The following SZT2 variants were observed in gnomAD, a reference collection of about 807,000 sequenced individuals.
The protein encoded by SZT2 is KICSTOR complex protein SZT2.
In SZT2, 216 loss-of-function variants were observed where a neutral mutation model predicts 404.2. The observed-to-expected ratio is 0.53, with a 90% confidence interval of 0.48 to 0.60. The LOEUF is 0.60. Among genes scored for constraint, SZT2 ranks in the 20% least tolerant of loss-of-function variants. The pLI, the probability that SZT2 is intolerant of heterozygous loss-of-function variation, is 0.00. For synonymous variants in SZT2, 1,693 were observed against 1,749.9 expected (o/e 0.97, Z 0.81); for missense variants, 3,857 against 4,459.2 (o/e 0.86, Z 3.85).
Position 43,426,301 on chromosome 1 carries a change from C to A in SZT2, c.3044-67C>A. The A allele has an allele frequency of 6.7e-7, 1 of 1,501,474 alleles. No homozygotes were observed. Among genetic ancestry groups the A allele is most frequent in the South Asian group, 1.3e-5 (1 of 78,718 alleles). 93.0% of individuals were successfully genotyped at this position (1,501,474 alleles called of 1,614,324 possible). On this transcript the variant is annotated intron_variant, in intron 21 of 71. Coordinates refer to ENST00000634258, the MANE Select transcript of SZT2 (RefSeq NM_001365999.1). The surrounding 1 kb of genome is among the most constrained non-coding windows in gnomAD (Gnocchi z 4.9). Reference sequence around the variant, plus strand: ...GAGGCTGAAGGAGGGGCCAGCTGGTCAGGGCTGAGCCGGGGGCACCGGGCA... The same window carrying A: ...GAGGCTGAAGGAGGGGCCAGCTGGTAAGGGCTGAGCCGGGGGCACCGGGCA...
chr1:43,440,611 G>T, intron 52 of SZT2, 25 bp downstream of exon 52: 1 of 1,545,362 alleles, frequency 6.5e-7, no homozygotes, highest in Non-Finnish European at 8.7e-7. Context: ...GGTGAAGTGG[G>T]CATCTACCTT....
intron 4 of SZT2, among the ~76,000 whole-genome samples, chr1:43,410,910 G>A (rs867804932): frequency 3.1e-4 from 47 of 152,224 alleles, no homozygotes; most frequent in African/African-American, 1.1e-3. Context: ...TGGGGGTTGG[G>A]GGGGGATCTT....
rs1290546995 is a variant in SZT2, at chr1:43,448,788, A to G, written c.10086+60A>G. 4 of 1,503,790 alleles carry G rather than the reference A, an allele frequency of 2.7e-6. No homozygotes were observed. The highest frequency in any genetic ancestry group is 3.7e-6 in the Non-Finnish European group (4 of 1,080,732). 93.2% of individuals were successfully genotyped at this position (1,503,790 alleles called of 1,614,324 possible). On this transcript the variant is annotated intron_variant, in intron 70 of 71. Transcript: ENST00000634258. The surrounding 1 kb of genome is among the most constrained non-coding windows in gnomAD (Gnocchi z 4.2). The stretch of plus-strand genomic sequence containing the variant: ...CACAGCAGAAATCCTCACCAAACAG[A>G]TGTGCCCCTCAGCCTGACCAAACAA...
intron 2 of SZT2, 75 bp downstream of exon 2, chr1:43,403,377 G>C: frequency 6.4e-7 from 1 of 1,552,150 alleles, no homozygotes. Context: ...GCTAGAAACA[G>C]ACAGGGTGGG....
At chr1:43,435,564 GATGAA>G (rs1263688025) in intron 42 of SZT2, 1 of 425,454 alleles carries the variant, frequency 2.4e-6, no homozygotes, top group African/African-American at 2.0e-5. Context: ...ATAGAAAGCA[GATGAA>G]ATGAAAAGTG....
intron 41 of SZT2, 73 bp from the exon 42 acceptor site, chr1:43,435,127 G>T: frequency 6.5e-7 from 1 of 1,544,170 alleles, no homozygotes; most frequent in South Asian, 1.2e-5. Context: ...TCTGGCATTT[G>T]ATCACCCCTG....
Position 43,451,970 on chromosome 1 carries a change from G to C in SZT2, c.*1490G>C. On this transcript the variant is annotated 3_prime_UTR_variant, in exon 72 of 72. Coordinates refer to ENST00000634258, the MANE Select transcript of SZT2 (RefSeq NM_001365999.1). The stretch of plus-strand genomic sequence containing the variant: ...CGTGTCCAGGAAGTACTGGGGGTCA[G>C]TGATGCGGGTGTTGATGGGCTCCAG... 1 of 1,611,642 alleles carries C rather than the reference G, an allele frequency of 6.2e-7. No homozygotes were observed. Among genetic ancestry groups the C allele is most frequent in the Non-Finnish European group, 8.5e-7 (1 of 1,178,326 alleles).
intron 42 of SZT2, chr1:43,436,164 T>G (rs1236876693): frequency 2.0e-5 from 3 of 152,182 alleles, no homozygotes; most frequent in African/African-American, 7.2e-5. Flanking sequence ...ACCATAACAT[T>G]CCTTTGCAGT....
intron 1 of SZT2, among the ~76,000 whole-genome samples, chr1:43,393,546 A>G (rs1648653472): frequency 1.3e-5 from 2 of 152,228 alleles, no homozygotes; most frequent in South Asian, 4.1e-4. Flanking sequence ...GCTTGAGGCC[A>G]TGCTAGAGGC....
chr1:43,424,992 T>C lies in SZT2; in HGVS notation c.2551-121T>C. On this transcript the variant is annotated intron_variant, in intron 17 of 71. Transcript: ENST00000634258. The surrounding 1 kb of genome is among the most constrained non-coding windows in gnomAD (Gnocchi z 4.1). ...CCCTGTGGCCAGAGGATGCTCAAGG[T>C]CTGAGGCTGCAGTCATAGGACAATT... 2.0e-6 allele frequency: 3 copies of C among 1,506,004 alleles called. No homozygotes were observed. The highest frequency in any genetic ancestry group is 2.3e-5 in the South Asian group (2 of 86,176). The allele number at this position is 1,506,004 out of a possible 1,614,324, so 93.3% of individuals were successfully genotyped here. A position where few individuals can be genotyped will look rare whatever the true frequency, so the allele number is the denominator to read the frequency against.
chr1:43,398,341 A>G (rs371644126), intron 1 of SZT2, among the ~76,000 whole-genome samples: 3 of 152,364 alleles, frequency 2.0e-5, no homozygotes, highest in East Asian at 3.9e-4. Context: ...TGAACATCCT[A>G]TGTGCCAGGC....
Position 43,453,926 on chromosome 1 carries a change from G to A in SZT2, c.*3446G>A, listed in dbSNP as rs928593677. 8.3e-7 allele frequency: 1 copy of A among 1,206,208 alleles called. No individual in the cohort carries two copies. The highest frequency in any genetic ancestry group is 1.0e-6 in the Non-Finnish European group (1 of 971,772). 74.7% of individuals were successfully genotyped at this position (1,206,208 alleles called of 1,614,324 possible). ...ACGAGCACTGTTCGTGGTTAGAAAAGCGAAGTGCTGTAAAAACCCGGGCCT... is the reference window on the plus strand; with the variant it reads ...ACGAGCACTGTTCGTGGTTAGAAAAACGAAGTGCTGTAAAAACCCGGGCCT... On this transcript the variant is annotated 3_prime_UTR_variant, in exon 72 of 72. Transcript: ENST00000634258.
At position 43,447,830 on chromosome 1, in the gene SZT2, C is replaced by A; in HGVS notation, c.9441-19C>A. ...ATTAGAACCCCAGAGTTGACATCTCCCCAACCCGTCCTGCACAGTTCTGGC... is the reference window on the plus strand; with the variant it reads ...ATTAGAACCCCAGAGTTGACATCTCACCAACCCGTCCTGCACAGTTCTGGC... On this transcript the variant is annotated intron_variant, in intron 67 of 71. Coordinates refer to ENST00000634258, the MANE Select transcript of SZT2 (RefSeq NM_001365999.1). The A allele has an allele frequency of 1.2e-6, 2 of 1,613,848 alleles. No homozygotes were observed. Among genetic ancestry groups the A allele is most frequent in the Non-Finnish European group, 1.7e-6 (2 of 1,179,902 alleles).
Position 43,434,470 on chromosome 1 carries a change from C to T in SZT2, c.5889C>T (p.Cys1963=). 1.9e-6 allele frequency: 3 copies of T among 1,594,736 alleles called. No homozygotes were observed. The highest frequency in any genetic ancestry group is 2.6e-6 in the Non-Finnish European group (3 of 1,172,100). Residue 1963 remains cysteine, a synonymous_variant, in exon 41 of 72, where the codon TGC becomes TGT. Transcript: ENST00000634258. ...TGGTGAGGCGAGTTGGGGAGATCTGCAGGGAGGTCAACCAGGTAAGGGGCA... is the reference window on the plus strand; with the variant it reads ...TGGTGAGGCGAGTTGGGGAGATCTGTAGGGAGGTCAACCAGGTAAGGGGCA... ...QLLVRRVGEI[C]REVNQRLLLQ...
rs576781555 is a variant in SZT2 at position 43,403,109 on chromosome 1, A to G, written c.28-68A>G. ...AGTTCCTTGGGCAAATTATTTGGAC[A>G]GTGATCTGTGTGTTCCAGGTACTCG... On this transcript the variant is annotated intron_variant, in intron 1 of 71. Transcript: ENST00000634258. The G allele has an allele frequency of 1.0e-5, 16 of 1,552,388 alleles. No individual in the cohort carries two copies. The East Asian group carries it at 3.4e-4, about 33-fold the overall frequency.
rs373037090 is a variant in SZT2 at position 43,441,562 on chromosome 1, C to G, written c.7570C>G (p.Arg2524Gly). The G allele has an allele frequency of 6.2e-7, 1 of 1,614,108 alleles. No individual in the cohort carries two copies. The highest frequency in any genetic ancestry group is 1.3e-5 in the African/African-American group (1 of 75,004). Residue 2524 changes from arginine to glycine, a missense_variant, in exon 54 of 72, where the codon CGT (arginine) becomes GGT (glycine). Arg to Gly is a moderately radical substitution (Grantham distance 125). Transcript: ENST00000634258. This position sits in a 1 kb window ranked among gnomAD's most constrained non-coding sequence, Gnocchi z 4.8. ...GGGGACCCTTCATCCTGTGTTTGCCCGTGTTGCTCAGCGCTGGATGGAGTT... is the reference window on the plus strand; with the variant it reads ...GGGGACCCTTCATCCTGTGTTTGCCGGTGTTGCTCAGCGCTGGATGGAGTT... ...EVGTLHPVFARVAQRWMEFMV... is the reference protein window; with the variant it reads ...EVGTLHPVFAGVAQRWMEFMV...
chr1:43,443,855 A>G lies in SZT2; in HGVS notation c.8825+59A>G. 3.1e-6 allele frequency: 5 copies of G among 1,598,992 alleles called. No homozygotes were observed. The South Asian group carries it at 5.5e-5, about 18-fold the overall frequency. ...CCTCCTGCACTGCAAGTGAGGCCCC[A>G]CAGGCCCTTCCTCTCTTTACAAGGT... On this transcript the variant is annotated intron_variant, in intron 62 of 71. Coordinates refer to ENST00000634258, the MANE Select transcript of SZT2 (RefSeq NM_001365999.1).
chr1:43,416,242 C>G (rs2153931576), intron 6 of SZT2, 141 bp downstream of exon 6: 1 of 1,147,234 alleles, frequency 8.7e-7, no homozygotes, highest in Non-Finnish European at 1.2e-6. Flanking sequence ...AAATGTAAGT[C>G]TGTATTAGTG....
In SZT2 at chr1:43,429,958, T is replaced by G; in HGVS notation, c.4309-53T>G. The G allele has an allele frequency of 1.9e-6, 3 of 1,612,714 alleles. No individual in the cohort carries two copies. The African/African-American group carries it at 4.0e-5, about 22-fold the overall frequency. On this transcript the variant is annotated intron_variant, in intron 29 of 71. Coordinates refer to ENST00000634258, the MANE Select transcript of SZT2 (RefSeq NM_001365999.1). ...TGTCCTGCTCTAGGGTAGGGAGTAG[T>G]ATCCTGTTGAGGGGTGACTGACATT...
Sources: gnomAD v4.1 joint callset for allele counts (sites outside exome capture counted in the v4.1 genomes callset) on GRCh38, gnomAD v4.1.1 for gene constraint, Gnocchi (gnomAD v3.1) non-coding constraint, MANE v1.5 for transcripts, NCBI Gene and HGNC (gene_info 2026-07-23, HGNC 2026-07-21) for gene names.